Variants in PTPRR observed in about 807,000 individuals in gnomAD.
PTPRR encodes protein tyrosine phosphatase receptor type R.
Under a neutral mutation model 77.2 loss-of-function variants are expected in PTPRR, and 38 were observed. The ratio of observed to expected loss-of-function variants is 0.49; its 90% confidence interval spans 0.38 to 0.65. The LOEUF (loss-of-function observed/expected upper bound fraction) is 0.65, where lower values mean the gene tolerates loss of function less well. Among genes scored for constraint, PTPRR ranks in the 30% least tolerant of loss-of-function variants. The probability of loss-of-function intolerance (pLI) is 0.00; values close to 1 mark genes in which losing one functional copy is unlikely to be tolerated. For missense variants in PTPRR, 744 were observed against 799.2 expected, an observed-to-expected ratio of 0.93 and a Z score of 0.83; for synonymous variants, 299 against 283.1, an observed-to-expected ratio of 1.06 and a Z score of -0.57.
chr12:70,720,237 C>T (rs138519779), intron 6 of PTPRR, among the ~76,000 whole-genome samples: 4 of 152,064 alleles, frequency 2.6e-5, no homozygotes, highest in African/African-American at 4.8e-5. Context: ...TACCTGGGCT[C>T]GAATCCTATC....
intron 1 of PTPRR, among the ~76,000 whole-genome samples, chr12:70,904,485 T>C (rs1473818448): frequency 6.6e-6 from 1 of 151,870 alleles, no homozygotes; most frequent in African/African-American, 2.4e-5. Context: ...CATGACATTC[T>C]CAAAAGACAA....
intron 2 of PTPRR, among the ~76,000 whole-genome samples, chr12:70,825,266 A>G (rs897685006): frequency 1.3e-5 from 2 of 152,166 alleles, no homozygotes; most frequent in Non-Finnish European, 2.9e-5. Context: ...CGACAGAGCA[A>G]GATTCTAGTC....
intron 2 of PTPRR, among the ~76,000 whole-genome samples, 172 bp downstream of exon 2, chr12:70,892,507 A>C (rs1227762765): frequency 6.6e-6 from 1 of 152,144 alleles, no homozygotes; most frequent in East Asian, 1.9e-4. Context: ...TAAGAGGAAG[A>C]AAACAGACAA....
At chr12:70,678,695 G>A (rs1349150952) in intron 10 of PTPRR, among the ~76,000 whole-genome samples, 2 of 151,674 alleles carry the variant, frequency 1.3e-5, no homozygotes, top group African/African-American at 2.4e-5. Flanking sequence ...TTTTTGAGAT[G>A]GAGTCTCTCT....
chr12:70,850,745 C>T (rs773292450), intron 2 of PTPRR, among the ~76,000 whole-genome samples: 1 of 152,178 alleles, frequency 6.6e-6, no homozygotes, highest in South Asian at 2.1e-4. Flanking sequence ...ACCTTTCACT[C>T]TCGCATTTTA....
At chr12:70,789,225 T>A (rs918171446) in intron 2 of PTPRR, among the ~76,000 whole-genome samples, 1 of 152,002 alleles carries the variant, frequency 6.6e-6, no homozygotes, top group African/African-American at 2.4e-5. Flanking sequence ...CAAACCTGCA[T>A]GTTGTGCACA....
intron 2 of PTPRR, among the ~76,000 whole-genome samples, chr12:70,791,126 T>A (rs762634165): frequency 3.3e-5 from 5 of 152,208 alleles, no homozygotes; most frequent in Non-Finnish European, 7.3e-5. Flanking sequence ...AATTAGATCA[T>A]GTCAGTACTT....
chr12:70,698,040 A>G (rs904000018), intron 8 of PTPRR, among the ~76,000 whole-genome samples: 6 of 152,060 alleles, frequency 3.9e-5, no homozygotes, highest in Non-Finnish European at 7.4e-5. Flanking sequence ...GGTTAATGGG[A>G]AGACTTGTCT....
At chr12:70,838,052 G>T (rs1892334860) in intron 2 of PTPRR, among the ~76,000 whole-genome samples, 1 of 152,118 alleles carries the variant, frequency 6.6e-6, no homozygotes, top group Non-Finnish European at 1.5e-5. Flanking sequence ...TTCAATTTAT[G>T]CATTTCTTTT....
At chr12:70,873,291 C>G (rs920740805) in intron 2 of PTPRR, among the ~76,000 whole-genome samples, 3 of 152,180 alleles carry the variant, frequency 2.0e-5, no homozygotes, top group Non-Finnish European at 4.4e-5. Flanking sequence ...GAGACTCACT[C>G]CCTCTTGTCA....
intron 2 of PTPRR, among the ~76,000 whole-genome samples, chr12:70,831,590 T>TA (rs535466049): frequency 2.6e-5 from 4 of 152,168 alleles, no homozygotes; most frequent in Non-Finnish European, 5.9e-5. Context: ...GTTCTGTTGT[T>TA]ACAAATGCTA....
chr12:70,830,926 C>T (rs988537150), intron 2 of PTPRR, among the ~76,000 whole-genome samples: 27 of 152,302 alleles, frequency 1.8e-4, no homozygotes, highest in Admixed American at 1.4e-3. Context: ...TATTTACCAA[C>T]GAATATTCAG....
intron 10 of PTPRR, chr12:70,672,148 C>T: frequency 6.8e-7 from 1 of 1,466,524 alleles, no homozygotes; most frequent in Non-Finnish European, 9.5e-7. Flanking sequence ...AGGCCATCCT[C>T]TCAGTGGCAA....
At chr12:70,787,372 T>G (rs1196907914) in intron 2 of PTPRR, among the ~76,000 whole-genome samples, 1 of 152,194 alleles carries the variant, frequency 6.6e-6, no homozygotes, top group Non-Finnish European at 1.5e-5. Flanking sequence ...AATTATCAAC[T>G]GAGTAATTCG....
rs1455014077 is a variant in PTPRR at position 70,733,445 on chromosome 12, AG to A, written c.1007+12372del. ...ACAACAACAAAAAAAAAAAAAAAAA[AG>A]AAAGAAAAAAAGAAAAATTATGGCA... On this transcript the variant is annotated intron_variant, in intron 6 of 13. Transcript: ENST00000283228. 1.4e-3 allele frequency among the ~76,000 whole-genome samples: 121 copies of A among 86,166 alleles called. 3 individuals are homozygous for A. Among genetic ancestry groups the A allele is most frequent in the Non-Finnish European group, 1.7e-3 (72 of 42,590 alleles). 56.5% of individuals were successfully genotyped at this position (86,166 alleles called of 152,430 possible).
intron 13 of PTPRR, among the ~76,000 whole-genome samples, chr12:70,640,864 GA>G (rs1885972316): frequency 6.6e-6 from 1 of 152,156 alleles, no homozygotes. Flanking sequence ...AAATTAACAT[GA>G]TGTCAAAATG....
At chr12:70,866,799 A>C (rs879436504) in intron 2 of PTPRR, among the ~76,000 whole-genome samples, 272 of 152,170 alleles carry the variant, frequency 1.8e-3, no homozygotes, top group Middle Eastern at 0.014. Flanking sequence ...TACTGGCAAA[A>C]CGAATCCAGC....
At chr12:70,859,993 T>C (rs1357713957) in intron 2 of PTPRR, among the ~76,000 whole-genome samples, 5 of 152,100 alleles carry the variant, frequency 3.3e-5, no homozygotes, top group African/African-American at 1.2e-4. Flanking sequence ...TTTTATTATG[T>C]ACCCACTCCA....
At chr12:70,821,897 C>G (rs2137041372) in intron 2 of PTPRR, among the ~76,000 whole-genome samples, 1 of 152,162 alleles carries the variant, frequency 6.6e-6, no homozygotes, top group East Asian at 1.9e-4. Context: ...ATCTCCTGAC[C>G]TCATGATCTG....
Sources: allele counts gnomAD v4.1 joint callset (sites outside exome capture counted in the v4.1 genomes callset), GRCh38; gene constraint gnomAD v4.1.1; transcripts MANE v1.5; gene names NCBI Gene and HGNC (gene_info 2026-07-23, HGNC 2026-07-21).